GLIS3: variants seen among roughly 807,000 people sequenced by gnomAD.
GLIS3 encodes GLIS family zinc finger 3.
In GLIS3, 53 loss-of-function variants were observed where a neutral mutation model predicts 78.6. That is an observed-to-expected ratio of 0.67 (90% confidence interval 0.54 to 0.85). The LOEUF (loss-of-function observed/expected upper bound fraction) is 0.85. Among genes scored for constraint, GLIS3 ranks in the 40% least tolerant of loss-of-function variants. The pLI, the probability that GLIS3 is intolerant of heterozygous loss-of-function variation, is 0.00. For missense variants in GLIS3, 1,703 were observed against 1,231.1 expected (o/e 1.38, Z -5.74); for synonymous variants, 684 against 509.9 (o/e 1.34, Z -4.60).
chr9:4,069,292 C>G (rs1359491253), intron 4 of GLIS3, among the ~76,000 whole-genome samples: 2 of 152,166 alleles, frequency 1.3e-5, no homozygotes, highest in African/African-American at 2.4e-5. Context: ...AGATTCTGGC[C>G]TGAAACTATT....
intron 4 of GLIS3, among the ~76,000 whole-genome samples, chr9:3,944,759 G>A (rs1588284380): frequency 6.6e-6 from 1 of 152,214 alleles, no homozygotes; most frequent in Non-Finnish European, 1.5e-5. Flanking sequence ...TCCATTTTCT[G>A]TTGGTAGAAC....
chr9:3,979,791 C>T (rs1008738820), intron 4 of GLIS3, among the ~76,000 whole-genome samples: 1 of 152,118 alleles, frequency 6.6e-6, no homozygotes. Flanking sequence ...TTATTGAGTG[C>T]CTACTTTAAA....
At chr9:3,942,828 G>A (rs1326678212) in intron 4 of GLIS3, among the ~76,000 whole-genome samples, 1 of 152,078 alleles carries the variant, frequency 6.6e-6, no homozygotes, top group Admixed American at 6.5e-5. Context: ...GGGATCATTA[G>A]GTCACCTTAA....
intron 2 of GLIS3, among the ~76,000 whole-genome samples, chr9:4,250,249 TG>T (rs1478172272): frequency 6.6e-6 from 1 of 152,218 alleles, no homozygotes; most frequent in Non-Finnish European, 1.5e-5. Context: ...CATCTGGTCC[TG>T]GGCTTTTTTT....
At chr9:4,377,729 C>T in the GLIS3 span, among the ~76,000 whole-genome samples, 1 of 152,112 alleles carries the variant, frequency 6.6e-6, no homozygotes, top group African/African-American at 2.4e-5. Context: ...GTATAAGATG[C>T]TATTAATATT....
intron 4 of GLIS3, among the ~76,000 whole-genome samples, chr9:4,076,785 A>T (rs1828100968): frequency 6.6e-6 from 1 of 152,190 alleles, no homozygotes; most frequent in South Asian, 2.1e-4. Context: ...GGCTGGGCAC[A>T]GGGGCTCACA....
intron 7 of GLIS3, among the ~76,000 whole-genome samples, chr9:3,891,034 A>T (rs1822395482): frequency 6.7e-6 from 1 of 149,632 alleles, no homozygotes; most frequent in South Asian, 2.1e-4. Context: ...TGTATTCCCA[A>T]ACTTTTAGGC....
At chr9:4,172,778 A>T (rs1415113730) in intron 2 of GLIS3, among the ~76,000 whole-genome samples, 1 of 152,182 alleles carries the variant, frequency 6.6e-6, no homozygotes, top group African/African-American at 2.4e-5. Flanking sequence ...AATACCAATC[A>T]CTGTTAGAAA....
intron 4 of GLIS3, among the ~76,000 whole-genome samples, chr9:4,003,450 T>G (rs1458434608): frequency 6.6e-6 from 1 of 152,020 alleles, no homozygotes; most frequent in Non-Finnish European, 1.5e-5. Context: ...AAACGACAAA[T>G]TGAAAAAGAA....
chr9:4,382,201 T>A, the GLIS3 span, among the ~76,000 whole-genome samples: 2 of 152,230 alleles, frequency 1.3e-5, no homozygotes, highest in African/African-American at 4.8e-5. Flanking sequence ...TCTGGCCAGA[T>A]GCTGAATGAC....
At chr9:3,922,126 T>G (rs1824931613) in intron 6 of GLIS3, among the ~76,000 whole-genome samples, 1 of 152,228 alleles carries the variant, frequency 6.6e-6, no homozygotes, top group African/African-American at 2.4e-5. Flanking sequence ...CGCTATAGAA[T>G]TGTTCATGAT....
intron 2 of GLIS3, among the ~76,000 whole-genome samples, chr9:4,186,388 C>T (rs1428733152): frequency 6.6e-6 from 1 of 151,884 alleles, no homozygotes; most frequent in Non-Finnish European, 1.5e-5. Flanking sequence ...TTTCTTAATC[C>T]AGTCTATCAT....
chr9:4,415,011 T>C, the GLIS3 span, among the ~76,000 whole-genome samples: 1 of 152,254 alleles, frequency 6.6e-6, no homozygotes, highest in East Asian at 1.9e-4. Flanking sequence ...GTTCTTTTTT[T>C]TCCTATTCCA....
intron 7 of GLIS3, among the ~76,000 whole-genome samples, chr9:3,894,602 G>A (rs115883281): frequency 0.036 from 5,489 of 152,028 alleles, 126 homozygotes; most frequent in Middle Eastern, 0.061. Context: ...GAGAGAAGCC[G>A]TCACCTCCCA....
At chr9:3,891,805 C>T (rs999634953) in intron 7 of GLIS3, among the ~76,000 whole-genome samples, 5 of 151,668 alleles carry the variant, frequency 3.3e-5, no homozygotes, top group African/African-American at 1.2e-4. Context: ...ATTACTTTCC[C>T]AACTGCAAAA....
At chr9:4,329,702 C>T (rs116725847) in intron 2 of GLIS3, among the ~76,000 whole-genome samples, 17 of 152,148 alleles carry the variant, frequency 1.1e-4, no homozygotes, top group African/African-American at 3.4e-4. Context: ...ACCTGATATG[C>T]GAACCTCCTC....
chr9:4,237,401 T>C (rs1314388286), intron 2 of GLIS3, among the ~76,000 whole-genome samples: 1 of 152,196 alleles, frequency 6.6e-6, no homozygotes, highest in Non-Finnish European at 1.5e-5. Flanking sequence ...ATTAAGTCTA[T>C]AATATAACTA....
At chr9:4,385,410 T>C in the GLIS3 span, among the ~76,000 whole-genome samples, 3 of 152,186 alleles carry the variant, frequency 2.0e-5, no homozygotes, top group African/African-American at 7.2e-5. Context: ...ACGCCTATAA[T>C]CCCAACACTG....
At chr9:4,389,059 T>G in the GLIS3 span, among the ~76,000 whole-genome samples, 2 of 152,172 alleles carry the variant, frequency 1.3e-5, no homozygotes, top group African/African-American at 4.8e-5. Context: ...TGCCACAGCC[T>G]CCGTAAGCCT....
Sources: gnomAD v4.1 joint callset for allele counts (sites outside exome capture counted in the v4.1 genomes callset) on GRCh38, gnomAD v4.1.1 for gene constraint, MANE v1.5 for transcripts, NCBI Gene and HGNC (gene_info 2026-07-23, HGNC 2026-07-21) for gene names.